The following RALGPS2 variants were observed in gnomAD, a reference collection of about 807,000 sequenced individuals.
RALGPS2 encodes Ral GEF with PH domain and SH3 binding motif 2.
Under a neutral mutation model 86.8 loss-of-function variants are expected in RALGPS2, and 43 were observed. That is an observed-to-expected ratio of 0.50 (90% confidence interval 0.39 to 0.64). The LOEUF (loss-of-function observed/expected upper bound fraction) is 0.64, where lower values mean the gene tolerates loss of function less well. Ranked by LOEUF, RALGPS2 falls within the 30% of genes least tolerant of loss-of-function variation. RALGPS2 has a pLI of 0.00. For missense variants in RALGPS2, 536 were observed against 694.6 expected, an observed-to-expected ratio of 0.77 and a Z score of 2.57; for synonymous variants, 243 against 231.3, an observed-to-expected ratio of 1.05 and a Z score of -0.46.
At chr1:178,871,727 C>A (rs1031721965) in intron 8 of RALGPS2, among the ~76,000 whole-genome samples, 1 of 152,132 alleles carries the variant, frequency 6.6e-6, no homozygotes, top group Admixed American at 6.6e-5. Context: ...TACAAAATGA[C>A]CTCTCCTCTC....
In RALGPS2 at chr1:178,918,073, AT is replaced by A. The variant is rs1572484054; in HGVS notation, c.*1716del. ...TGAGTGTTAAGTTTTTTAATTTAGTATTCTGTTTGGAAAAGATGTTAAGAGT... is the reference window on the plus strand; with the variant it reads ...TGAGTGTTAAGTTTTTTAATTTAGTATCTGTTTGGAAAAGATGTTAAGAGT... On this transcript the variant is annotated 3_prime_UTR_variant, in exon 20 of 20. Transcript: ENST00000367635. 6.6e-6 allele frequency: 1 copy of A among 151,966 alleles called. No individual in the cohort carries two copies. The highest frequency in any genetic ancestry group is 1.5e-5 in the Non-Finnish European group (1 of 67,950). The allele number at this position is 151,966 out of a possible 1,614,324, so 9.4% of individuals were successfully genotyped here. A position where few individuals can be genotyped will look rare whatever the true frequency, so the allele number is the denominator to read the frequency against.
chr1:178,916,478 C>T lies in RALGPS2; in HGVS notation c.*119C>T, dbSNP rs540995762. ...AAGAGCCCAGAGGCTCTGTCTCAGT[C>T]GTTGGAGTTCTCAACCAAAAAAGCA... is the stretch of plus-strand genomic sequence containing the variant. On this transcript the variant is annotated 3_prime_UTR_variant, in exon 20 of 20. Transcript: ENST00000367635. 521 of 905,598 alleles carry T rather than the reference C, an allele frequency of 5.8e-4. 2 individuals carry two copies. The highest frequency in any genetic ancestry group is 1.4e-3 in the South Asian group (78 of 54,626). 56.1% of individuals were successfully genotyped at this position (905,598 alleles called of 1,614,324 possible).
Position 178,918,791 on chromosome 1 carries a change from A to G in RALGPS2, c.*2432A>G, listed in dbSNP as rs1049677857. 24 of 152,136 alleles carry G rather than the reference A, an allele frequency of 1.6e-4. No individual in the cohort carries two copies. The highest frequency in any genetic ancestry group is 2.4e-5 in the African/African-American group (1 of 41,460). The allele number at this position is 152,136 out of a possible 1,614,324, so 9.4% of individuals were successfully genotyped here. ...AATAGTGTAGGTGAATTTTTTATCT[A>G]TAATTTACCAAATAATACCTGATAA... is the stretch of plus-strand genomic sequence containing the variant. On this transcript the variant is annotated 3_prime_UTR_variant, in exon 20 of 20. Coordinates refer to ENST00000367635, the MANE Select transcript of RALGPS2 (RefSeq NM_152663.5).
At chr1:178,903,829 T>G (rs1211111710) in intron 18 of RALGPS2, among the ~76,000 whole-genome samples, 1 of 152,178 alleles carries the variant, frequency 6.6e-6, no homozygotes, top group East Asian at 1.9e-4. Context: ...CAAGTATCTT[T>G]TTCATATAAT....
intron 14 of RALGPS2, 102 bp downstream of exon 14, chr1:178,889,798 C>A: frequency 6.6e-6 from 5 of 756,444 alleles, no homozygotes; most frequent in East Asian, 2.9e-5. Context: ...TATCCCTAAG[C>A]GATTAAGTTT....
chr1:178,738,069 A>G (rs1451439220), intron 1 of RALGPS2, among the ~76,000 whole-genome samples: 1 of 151,616 alleles, frequency 6.6e-6, no homozygotes, highest in African/African-American at 2.4e-5. Flanking sequence ...ATGAGCCACC[A>G]CGCTTGACCA....
At chr1:178,848,174 G>A (rs1039919431) in intron 8 of RALGPS2, among the ~76,000 whole-genome samples, 2 of 151,980 alleles carry the variant, frequency 1.3e-5, no homozygotes, top group African/African-American at 4.8e-5. Context: ...AGCTGGGCAT[G>A]GTGGCATGCA....
chr1:178,750,175 AG>A (rs1651575614), intron 1 of RALGPS2, among the ~76,000 whole-genome samples: 1 of 152,186 alleles, frequency 6.6e-6, no homozygotes, highest in East Asian at 1.9e-4. Context: ...TCTAGGCGAG[AG>A]GTTGGCAAAC....
chr1:178,778,934 C>T (rs548722422), intron 2 of RALGPS2, among the ~76,000 whole-genome samples: 1 of 152,112 alleles, frequency 6.6e-6, no homozygotes, highest in African/African-American at 2.4e-5. Flanking sequence ...ACTTAAGATA[C>T]TTGAAAAATA....
chr1:178,734,852 AG>A (rs1462153606), intron 1 of RALGPS2, among the ~76,000 whole-genome samples: 1 of 152,250 alleles, frequency 6.6e-6, no homozygotes, highest in Non-Finnish European at 1.5e-5. Context: ...GCAAGATCTC[AG>A]TTATGTGAAC....
chr1:178,809,808 T>C (rs981221938), intron 5 of RALGPS2, among the ~76,000 whole-genome samples: 1 of 152,196 alleles, frequency 6.6e-6, no homozygotes, highest in African/African-American at 2.4e-5. Context: ...CATGGTCTTT[T>C]ATGACCTCGT....
chr1:178,742,116 CAG>C (rs1261061641), intron 1 of RALGPS2, among the ~76,000 whole-genome samples: 1 of 112,860 alleles, frequency 8.9e-6, no homozygotes, highest in Non-Finnish European at 1.7e-5. Context: ...AGCCTGGCAA[CAG>C]AGCAAGATTC....
chr1:178,783,520 T>G (rs1448585783), intron 2 of RALGPS2, among the ~76,000 whole-genome samples: 1 of 152,200 alleles, frequency 6.6e-6, no homozygotes, highest in East Asian at 1.9e-4. Context: ...GGCTCGATAC[T>G]TCGTATTTAG....
In RALGPS2 at chr1:178,919,603, G is replaced by A. The variant is rs1660919603; in HGVS notation, c.*3244G>A. The A allele has an allele frequency of 6.6e-6, 1 of 151,984 alleles. No individual in the cohort carries two copies. Among genetic ancestry groups the A allele is most frequent in the South Asian group, 2.1e-4 (1 of 4,828 alleles). The allele number at this position is 151,984 out of a possible 1,614,324, so 9.4% of individuals were successfully genotyped here. A position where few individuals can be genotyped will look rare whatever the true frequency, so the allele number is the denominator to read the frequency against. On this transcript the variant is annotated 3_prime_UTR_variant, in exon 20 of 20. Coordinates refer to ENST00000367635, the MANE Select transcript of RALGPS2 (RefSeq NM_152663.5). ...TTGATCTTTTGGCCAAATGACTTGA[G>A]CATAAGTCTTTTATTTCTTTTTAAG...
At chr1:178,818,689 A>G (rs1655351815) in intron 6 of RALGPS2, among the ~76,000 whole-genome samples, 1 of 152,214 alleles carries the variant, frequency 6.6e-6, no homozygotes, top group Non-Finnish European at 1.5e-5. Context: ...ACCAGCCCAC[A>G]GATTTTACTT....
intron 4 of RALGPS2, among the ~76,000 whole-genome samples, chr1:178,799,874 C>T (rs1042928162): frequency 6.6e-6 from 1 of 152,144 alleles, no homozygotes; most frequent in African/African-American, 2.4e-5. Flanking sequence ...GCCATGAAAG[C>T]CATCAAGCCC....
At chr1:178,882,150 C>G (rs1659285144) in intron 10 of RALGPS2, among the ~76,000 whole-genome samples, 1 of 152,214 alleles carries the variant, frequency 6.6e-6, no homozygotes, top group Admixed American at 6.5e-5. Context: ...AAAGATGCCT[C>G]TGCTTTTTAT....
chr1:178,900,593 A>T (rs911728093), intron 17 of RALGPS2, among the ~76,000 whole-genome samples: 1 of 152,020 alleles, frequency 6.6e-6, no homozygotes, highest in African/African-American at 2.4e-5. Context: ...TATCTGTAGA[A>T]GAATATTTCT....
At chr1:178,732,236 G>A (rs376912732) in intron 1 of RALGPS2, among the ~76,000 whole-genome samples, 1 of 152,232 alleles carries the variant, frequency 6.6e-6, no homozygotes, top group African/African-American at 2.4e-5. Flanking sequence ...ATGATTGCCA[G>A]GCAGCAGTAA....
Sources: allele counts gnomAD v4.1 joint callset (sites outside exome capture counted in the v4.1 genomes callset), GRCh38; gene constraint gnomAD v4.1.1; transcripts MANE v1.5; gene names NCBI Gene and HGNC (gene_info 2026-07-23, HGNC 2026-07-21).